Variants in KIF6 observed in about 807,000 individuals in gnomAD.
KIF6 encodes the protein kinesin family member 6.
In KIF6, 106 loss-of-function variants were observed where a neutral mutation model predicts 112.7. That is an observed-to-expected ratio of 0.94 (90% CI 0.80 to 1.11). The LOEUF is 1.11. Ranked by LOEUF, KIF6 falls within the 50% of genes least tolerant of loss-of-function variation. The probability of loss-of-function intolerance (pLI) is 0.00; values close to 1 mark genes in which losing one functional copy is unlikely to be tolerated. For synonymous variants in KIF6, 339 were observed against 339.9 expected (o/e 1.00, Z 0.03); for missense variants, 929 against 964.0 (o/e 0.96, Z 0.48).
chr6:39,493,306 G>T (rs1322714357), intron 13 of KIF6, among the ~76,000 whole-genome samples: 1 of 152,158 alleles, frequency 6.6e-6, no homozygotes, highest in African/African-American at 2.4e-5. Flanking sequence ...AGGTTTTATT[G>T]GTCAGTGGGA....
chr6:39,638,108 T>C (rs1231986312), intron 4 of KIF6, among the ~76,000 whole-genome samples: 1 of 152,044 alleles, frequency 6.6e-6, no homozygotes, highest in African/African-American at 2.4e-5. Context: ...GTTTCAAGGG[T>C]TCTCTGAAAT....
intron 5 of KIF6, among the ~76,000 whole-genome samples, chr6:39,615,603 C>T (rs2150725541): frequency 6.6e-6 from 1 of 150,524 alleles, no homozygotes; most frequent in Non-Finnish European, 1.5e-5. Context: ...TTGTAAAAGT[C>T]CCAGGTGATT....
intron 16 of KIF6, among the ~76,000 whole-genome samples, chr6:39,379,015 T>C (rs904894956): frequency 3.3e-5 from 5 of 152,230 alleles, no homozygotes; most frequent in African/African-American, 9.6e-5. Flanking sequence ...TCGGTATCTT[T>C]TGTAAAACTG....
chr6:39,692,576 T>C (rs1788280317), intron 3 of KIF6, among the ~76,000 whole-genome samples: 1 of 152,144 alleles, frequency 6.6e-6, no homozygotes, highest in Admixed American at 6.5e-5. Context: ...TAATCTTAGG[T>C]TGACAACATC....
Position 39,596,046 on chromosome 6 carries a change from C to T in KIF6, c.846+8G>A, listed in dbSNP as rs1782235024. ...AGTTATTAATACATCCCACTCTGCC[C>T]ATTTTACCTGTTCTAAGTAATGTAG... On this transcript the variant is annotated splice_region_variant and intron_variant, in intron 7 of 22. Coordinates refer to ENST00000287152, the MANE Select transcript of KIF6 (RefSeq NM_145027.6). The T allele has an allele frequency of 1.2e-6, 2 of 1,609,126 alleles. No homozygotes were observed. The highest frequency in any genetic ancestry group is 1.7e-6 in the Non-Finnish European group (2 of 1,175,732).
intron 9 of KIF6, among the ~76,000 whole-genome samples, chr6:39,584,194 G>T (rs1424470771): frequency 1.3e-5 from 2 of 151,536 alleles, no homozygotes; most frequent in African/African-American, 2.4e-5. Context: ...GGCCAAGGTG[G>T]GTGGACTGCC....
chr6:39,723,342 C>T (rs1331091664), intron 1 of KIF6, among the ~76,000 whole-genome samples: 3 of 152,212 alleles, frequency 2.0e-5, no homozygotes, highest in African/African-American at 7.2e-5. Context: ...ACTCCATATA[C>T]TCACAAATAT....
chr6:39,563,858 C>A lies in KIF6; in HGVS notation c.1181+14198G>T, dbSNP rs372060762. ...TACCCTCACCAACTCAGGGTCTCAT[C>A]GCCTTTTTCATTTTTACCAAAAAGG... is the stretch of plus-strand genomic sequence containing the variant. On this transcript the variant is annotated intron_variant, in intron 10 of 22. Coordinates refer to ENST00000287152, the MANE Select transcript of KIF6 (RefSeq NM_145027.6). 9.8e-5 allele frequency among the ~76,000 whole-genome samples: 15 copies of A among 152,318 alleles called. 1 individual carries two copies. The East Asian group carries it at 2.9e-3, about 29-fold the overall frequency.
chr6:39,681,652 G>A (rs1225363939), intron 3 of KIF6, among the ~76,000 whole-genome samples: 2 of 152,094 alleles, frequency 1.3e-5, no homozygotes, highest in Non-Finnish European at 1.5e-5. Context: ...AGAGGCAGGA[G>A]GTTCACTAGA....
intron 20 of KIF6, among the ~76,000 whole-genome samples, chr6:39,346,088 C>CCTCTCTCT (rs1562112910): frequency 2.9e-5 from 1 of 34,486 alleles, no homozygotes; most frequent in Non-Finnish European, 5.1e-5. Flanking sequence ...CTCTCTCTCC[C>CCTCTCTCT]CCCCCTCTCC....
chr6:39,441,336 A>T (rs767469451), intron 13 of KIF6, among the ~76,000 whole-genome samples: 1 of 152,186 alleles, frequency 6.6e-6, no homozygotes, highest in Non-Finnish European at 1.5e-5. Context: ...GACAACTGCC[A>T]TTTGATAATA....
chr6:39,586,876 ACATCACT>A (rs1315668416), intron 7 of KIF6, among the ~76,000 whole-genome samples: 2 of 152,232 alleles, frequency 1.3e-5, no homozygotes, highest in African/African-American at 4.8e-5. Context: ...TTCCTAGGGC[ACATCACT>A]CAACATGCCT....
intron 3 of KIF6, among the ~76,000 whole-genome samples, chr6:39,642,015 A>T (rs563245167): frequency 1.4e-4 from 22 of 152,170 alleles, no homozygotes; most frequent in Non-Finnish European, 3.2e-4. Flanking sequence ...AAATGTAATC[A>T]GGCAAAATTT....
chr6:39,626,407 G>A (rs1051525313), intron 5 of KIF6, among the ~76,000 whole-genome samples: 2 of 152,060 alleles, frequency 1.3e-5, no homozygotes, highest in Non-Finnish European at 2.9e-5. Context: ...GGAATACTGG[G>A]ATATGACACA....
intron 9 of KIF6, among the ~76,000 whole-genome samples, chr6:39,580,365 G>A (rs1358036861): frequency 6.6e-6 from 1 of 151,850 alleles, no homozygotes; most frequent in African/African-American, 2.4e-5. Flanking sequence ...TGAAACTTTG[G>A]GGGTTCTATT....
chr6:39,596,430 A>G (rs1168128336), intron 6 of KIF6, among the ~76,000 whole-genome samples, 170 bp from the exon 7 acceptor site: 1 of 152,218 alleles, frequency 6.6e-6, no homozygotes, highest in Non-Finnish European at 1.5e-5. Flanking sequence ...TTTTTAATGT[A>G]TTACCTCTTG....
chr6:39,435,029 A>G (rs1771427595), intron 13 of KIF6, among the ~76,000 whole-genome samples: 1 of 152,166 alleles, frequency 6.6e-6, no homozygotes, highest in East Asian at 1.9e-4. Context: ...CATTTTATAG[A>G]TGAGGAAACT....
At chr6:39,408,772 A>G (rs1769274381) in intron 15 of KIF6, among the ~76,000 whole-genome samples, 1 of 152,106 alleles carries the variant, frequency 6.6e-6, no homozygotes, top group African/African-American at 2.4e-5. Flanking sequence ...GGCTGCTTAC[A>G]TTTTGCTATG....
chr6:39,675,455 G>A (rs2113753095), intron 3 of KIF6, among the ~76,000 whole-genome samples: 1 of 152,224 alleles, frequency 6.6e-6, no homozygotes, highest in Admixed American at 6.5e-5. Flanking sequence ...AATATAAAAA[G>A]TGGTTTGAAG....
Sources: allele counts gnomAD v4.1 joint callset (sites outside exome capture counted in the v4.1 genomes callset), GRCh38; gene constraint gnomAD v4.1.1; transcripts MANE v1.5; gene names NCBI Gene and HGNC (gene_info 2026-07-23, HGNC 2026-07-21).